Variants in DNAH6 observed in about 807,000 individuals in gnomAD.
DNAH6 encodes axonemal beta dynein heavy chain 6.
Under a neutral mutation model 491.4 loss-of-function variants are expected in DNAH6, and 340 were observed. That is an observed-to-expected ratio of 0.69 (90% CI 0.63 to 0.76). The LOEUF is 0.76. DNAH6 is among the 30% of genes least tolerant of loss of function. The pLI is 0.00. For synonymous variants in DNAH6, 1,603 were observed against 1,686.1 expected (o/e 0.95, Z 1.21); for missense variants, 4,443 against 4,972.2 (o/e 0.89, Z 3.20).
At chr2:84,544,741 G>C (rs945974266) in intron 5 of DNAH6, among the ~76,000 whole-genome samples, 1 of 152,098 alleles carries the variant, frequency 6.6e-6, no homozygotes, top group Non-Finnish European at 1.5e-5. Context: ...CTTTTGATTA[G>C]AAGTCACCTC....
chr2:84,795,686 T>G (rs1186160869), intron 68 of DNAH6, among the ~76,000 whole-genome samples: 1 of 152,144 alleles, frequency 6.6e-6, no homozygotes, highest in African/African-American at 2.4e-5. Context: ...AGCAATAGAT[T>G]CCAGTGTGCT....
At chr2:84,722,365 C>T (rs1408507341) in intron 59 of DNAH6, among the ~76,000 whole-genome samples, 3 of 152,130 alleles carry the variant, frequency 2.0e-5, no homozygotes, top group Admixed American at 2.0e-4. Context: ...GTCTCAGAGA[C>T]ATGCTGCTTC....
intron 19 of DNAH6, 95 bp from the exon 20 acceptor site, chr2:84,605,405 A>G: frequency 1.2e-6 from 1 of 845,900 alleles, no homozygotes; most frequent in South Asian, 1.8e-5. Flanking sequence ...AAAATGGGAT[A>G]ATTATGGAGT....
At chr2:84,662,268 T>C (rs183567906) in intron 37 of DNAH6, among the ~76,000 whole-genome samples, 1 of 152,142 alleles carries the variant, frequency 6.6e-6, no homozygotes, top group Non-Finnish European at 1.5e-5. Context: ...CTGGGGCTTG[T>C]CGGACAGTGG....
In DNAH6 at chr2:84,662,900, C is replaced by T. The variant is rs192392905; in HGVS notation, c.6084+3731C>T. On this transcript the variant is annotated intron_variant, in intron 37 of 76. Coordinates refer to ENST00000389394, the MANE Select transcript of DNAH6 (RefSeq NM_001370.2). ...CATACAGCTGGGTGCCCCTCTGAGA[C>T]AAAGCTTCCAGAGGAAGGATCAGGC... is the stretch of plus-strand genomic sequence containing the variant. 1.6e-3 allele frequency among the ~76,000 whole-genome samples: 244 copies of T among 152,304 alleles called. 1 individual carries two copies. The highest frequency in any genetic ancestry group is 5.9e-3 in the Admixed American group (91 of 15,298).
chr2:84,598,623 ATTTATGAGAATTCCAGT>A (rs1209341227), intron 18 of DNAH6, among the ~76,000 whole-genome samples: 9 of 152,192 alleles, frequency 5.9e-5, no homozygotes, highest in African/African-American at 2.2e-4. Context: ...TTCACTAGCA[ATTTATGAGAATTCCAGT>A]TTCTCCTCAT....
intron 47 of DNAH6, among the ~76,000 whole-genome samples, chr2:84,698,438 T>C (rs1695590123): frequency 6.6e-6 from 1 of 152,210 alleles, no homozygotes; most frequent in Non-Finnish European, 1.5e-5. Context: ...TTGGAATGAA[T>C]ATAAAATGTA....
At position 84,559,322 on chromosome 2, in the gene DNAH6, T is replaced by C. The variant is rs1680408191; in HGVS notation, c.1803+1387T>C. Among the ~76,000 whole-genome samples, 3 of 152,148 alleles carry C rather than the reference T, an allele frequency of 2.0e-5. No individual in the cohort carries two copies. The South Asian group carries it at 6.2e-4, about 31-fold the overall frequency. On this transcript the variant is annotated intron_variant, in intron 11 of 76. Coordinates refer to ENST00000389394, the MANE Select transcript of DNAH6 (RefSeq NM_001370.2). ...GAGGAAACAAGGTTAAAAATAAAAA[T>C]TTAAAAATTTAAAAAATTTCTAAAG... is the stretch of plus-strand genomic sequence containing the variant.
chr2:84,581,683 C>T (rs141513995), intron 14 of DNAH6, among the ~76,000 whole-genome samples: 1 of 152,162 alleles, frequency 6.6e-6, no homozygotes, highest in Admixed American at 6.5e-5. Flanking sequence ...ATTTAAAAAA[C>T]AGATTTAGCT....
intron 63 of DNAH6, among the ~76,000 whole-genome samples, chr2:84,756,832 A>C (rs1674072870): frequency 6.6e-6 from 1 of 152,226 alleles, no homozygotes; most frequent in Non-Finnish European, 1.5e-5. Flanking sequence ...TAAACTGAAA[A>C]ATGCTCTGAG....
chr2:84,575,363 A>G (rs897311776), intron 12 of DNAH6, among the ~76,000 whole-genome samples: 1 of 152,166 alleles, frequency 6.6e-6, no homozygotes, highest in Admixed American at 6.5e-5. Context: ...AAATGTCAGC[A>G]TTTACTAATA....
intron 72 of DNAH6, among the ~76,000 whole-genome samples, chr2:84,810,388 A>G (rs6747778): frequency 0.017 from 2,518 of 152,320 alleles, 64 homozygotes; most frequent in African/African-American, 0.058. Context: ...TTTTCTGGTC[A>G]AACAAACCCC....
chr2:84,677,970 G>A (rs896419915), intron 41 of DNAH6, among the ~76,000 whole-genome samples: 4 of 152,150 alleles, frequency 2.6e-5, no homozygotes, highest in African/African-American at 4.8e-5. Context: ...TGATGACAGT[G>A]ACGTGGACAG....
At chr2:84,775,309 C>T (rs1031745886) in intron 64 of DNAH6, among the ~76,000 whole-genome samples, 2 of 152,114 alleles carry the variant, frequency 1.3e-5, no homozygotes, top group African/African-American at 4.8e-5. Flanking sequence ...TGGTGAGTCA[C>T]ATTTGCTGAT....
chr2:84,593,892 A>G, intron 16 of DNAH6, 80 bp from the exon 17 acceptor site: 1 of 741,642 alleles, frequency 1.3e-6, no homozygotes, highest in Non-Finnish European at 2.1e-6. Context: ...CACTGTACCA[A>G]GAATTACTAA....
chr2:84,750,510 A>G (rs773166121), intron 63 of DNAH6, among the ~76,000 whole-genome samples: 6 of 151,996 alleles, frequency 3.9e-5, no homozygotes, highest in Non-Finnish European at 7.4e-5. Flanking sequence ...TTTTAAAGAG[A>G]CTTTGTCTTG....
the DNAH6 span, among the ~76,000 whole-genome samples, chr2:84,478,490 C>G: frequency 6.6e-6 from 1 of 152,190 alleles, no homozygotes; most frequent in Non-Finnish European, 1.5e-5. Flanking sequence ...CTCAGCACCT[C>G]TGAAGGGGAG....
At chr2:84,466,450 T>C in the DNAH6 span, among the ~76,000 whole-genome samples, 5 of 152,228 alleles carry the variant, frequency 3.3e-5, no homozygotes, top group East Asian at 1.9e-4. Flanking sequence ...GAAACAAATA[T>C]GCTGCAAATT....
chr2:84,651,139 G>A (rs1373528234), intron 33 of DNAH6, among the ~76,000 whole-genome samples: 1 of 152,084 alleles, frequency 6.6e-6, no homozygotes, highest in Non-Finnish European at 1.5e-5. Flanking sequence ...GATGCCACAA[G>A]GGAAGACAGC....
Sources: allele counts gnomAD v4.1 joint callset (sites outside exome capture counted in the v4.1 genomes callset), GRCh38; gene constraint gnomAD v4.1.1; transcripts MANE v1.5; gene names NCBI Gene and HGNC (gene_info 2026-07-23, HGNC 2026-07-21).